RO60: variants seen among roughly 807,000 people sequenced by gnomAD.
RO60 encodes Ro60, Y RNA binding protein.
A neutral mutation model predicts 55.3 loss-of-function variants in RO60; 20 were observed. The ratio of observed to expected loss-of-function variants is 0.36; its 90% CI spans 0.25 to 0.53. The LOEUF (loss-of-function observed/expected upper bound fraction) is 0.53. Among genes scored for constraint, RO60 ranks in the 20% least tolerant of loss-of-function variants. The pLI, the probability that RO60 is intolerant of heterozygous loss-of-function variation, is 0.92. For synonymous variants in RO60, 213 were observed against 213.6 expected (o/e 1.00, Z 0.02); for missense variants, 558 against 646.6 (o/e 0.86, Z 1.49).
chr1:193,059,751 T>A lies in RO60; in HGVS notation c.-47T>A, dbSNP rs769281190. ...GGACTTCTCCTGGCGGCGCTGCGGA[T>A]CCAGGGGGTCGGCTGCCAGGTACAG... On this transcript the variant is annotated 5_prime_UTR_variant, in exon 1 of 9. Transcript: ENST00000400968. The surrounding 1 kb of genome is among the most constrained non-coding windows in gnomAD (Gnocchi z 4.9). 59 of 1,355,582 alleles carry A rather than the reference T, an allele frequency of 4.4e-5. No individual in the cohort carries two copies. The highest frequency in any genetic ancestry group is 2.1e-4 in the Middle Eastern group (1 of 4,776). 84.0% of individuals were successfully genotyped at this position (1,355,582 alleles called of 1,614,324 possible).
intron 2 of RO60, among the ~76,000 whole-genome samples, chr1:193,074,530 G>A (rs1673759564): frequency 6.6e-6 from 1 of 152,190 alleles, no homozygotes; most frequent in Admixed American, 6.5e-5. Context: ...CTGCATAAAT[G>A]TCTTCTTTTG....
At chr1:193,061,983 CAAAAAAAA>C (rs199670965) in intron 1 of RO60, among the ~76,000 whole-genome samples, 1 of 76,244 alleles carries the variant, frequency 1.3e-5, no homozygotes, top group Non-Finnish European at 2.7e-5. Context: ...GAGTCTGTCT[CAAAAAAAA>C]AAAAAAAAGT....
intron 2 of RO60, among the ~76,000 whole-genome samples, chr1:193,071,804 T>C (rs1372018024): frequency 6.8e-6 from 1 of 147,998 alleles, no homozygotes; most frequent in Non-Finnish European, 1.5e-5. Context: ...GTATAGTATG[T>C]AATATATATA....
rs1558245466 is a variant in RO60 at position 193,075,972 on chromosome 1, A to G, written c.733A>G (p.Ile245Val). Reference sequence around the variant, plus strand: ...GCGCACAAGAGATGAGCTAGAAGTCATTCATCTAATAGAAGAACATAGATT... The same window carrying G: ...GCGCACAAGAGATGAGCTAGAAGTCGTTCATCTAATAGAAGAACATAGATT... Reference protein sequence around the residue: ...VKRTRDELEVIHLIEEHRLVR... With the variant: ...VKRTRDELEVVHLIEEHRLVR... The change falls in exon 3 of 9, where the codon ATT becomes GTT. Residue 245 changes from isoleucine to valine, a missense_variant. By Grantham distance (29) the Ile-to-Val change is conservative (BLOSUM62 3). Transcript: ENST00000400968. The G allele has an allele frequency of 6.2e-7, 1 of 1,613,238 alleles. No homozygotes were observed. The highest frequency in any genetic ancestry group is 1.7e-5 in the Admixed American group (1 of 59,938).
intron 1 of RO60, among the ~76,000 whole-genome samples, chr1:193,067,687 A>C (rs1157893685): frequency 6.6e-6 from 1 of 152,168 alleles, no homozygotes; most frequent in African/African-American, 2.4e-5. Context: ...ATAGTGGTGG[A>C]CTGATGAAGA....
At chr1:193,075,000 A>G (rs917199236) in intron 2 of RO60, among the ~76,000 whole-genome samples, 1 of 152,174 alleles carries the variant, frequency 6.6e-6, no homozygotes. Flanking sequence ...ACCTCAGGTG[A>G]TCCACACTCC....
chr1:193,084,145 G>A (rs991302781), intron 8 of RO60, among the ~76,000 whole-genome samples: 5 of 152,132 alleles, frequency 3.3e-5, no homozygotes, highest in East Asian at 1.9e-4. Flanking sequence ...AAGTTCTTAC[G>A]TGGAACATGT....
chr1:193,072,841 A>G (rs1167663357), intron 2 of RO60, among the ~76,000 whole-genome samples: 1 of 152,218 alleles, frequency 6.6e-6, no homozygotes, highest in African/African-American at 2.4e-5. Context: ...AGGAATTAGT[A>G]GATGTTTCCT....
Position 193,087,222 on chromosome 1 carries a change from A to C in RO60, c.*2491A>C, listed in dbSNP as rs1293791421. The C allele has an allele frequency of 6.6e-6, 1 of 152,178 alleles. No individual in the cohort carries two copies. The highest frequency in any genetic ancestry group is 1.5e-5 in the Non-Finnish European group (1 of 68,008). 9.4% of individuals were successfully genotyped at this position (152,178 alleles called of 1,614,324 possible). A position where few individuals can be genotyped will look rare whatever the true frequency, so the allele number is the denominator to read the frequency against. On this transcript the variant is annotated 3_prime_UTR_variant, in exon 9 of 9. Transcript: ENST00000400968. ...CTATATATATCTACATATATAGAGA[A>C]AAAACAAAAACTTTACCTCATTATG...
chr1:193,091,695 G>A (rs765089959), downstream of RO60: 5 of 1,610,526 alleles, frequency 3.1e-6, 1 homozygote, highest in Non-Finnish European at 1.7e-6. Context: ...GACATGGAGT[G>A]CAGGTGGACA....
chr1:193,072,489 TGTA>T (rs1455328011), intron 2 of RO60, among the ~76,000 whole-genome samples: 5 of 152,128 alleles, frequency 3.3e-5, no homozygotes, highest in East Asian at 3.9e-4. Flanking sequence ...TGAATTTTAA[TGTA>T]GTCAAATTTA....
chr1:193,070,075 T>G (rs1673377400), intron 2 of RO60, among the ~76,000 whole-genome samples: 1 of 151,734 alleles, frequency 6.6e-6, no homozygotes, highest in Non-Finnish European at 1.5e-5. Flanking sequence ...CTTAGGTAAC[T>G]GTACACAGCT....
At chr1:193,068,651 A>T (rs1673277342) in intron 1 of RO60, among the ~76,000 whole-genome samples, 1 of 152,166 alleles carries the variant, frequency 6.6e-6, no homozygotes, top group Non-Finnish European at 1.5e-5. Context: ...GAAGGAGCAC[A>T]CTGTATCTCA....
In RO60 at chr1:193,077,254, C is replaced by G. The variant is rs562441374; in HGVS notation, c.1086+204C>G. 2.0e-5 allele frequency among the ~76,000 whole-genome samples: 3 copies of G among 152,184 alleles called. No individual in the cohort carries two copies. The South Asian group carries it at 6.2e-4, about 32-fold the overall frequency. ...ATTTCTCTTTACCTTTGGGTAGCAA[C>G]TAATTATTCTAAGATCATTTTGGTA... On this transcript the variant is annotated intron_variant, in intron 5 of 8. Coordinates refer to ENST00000400968, the MANE Select transcript of RO60 (RefSeq NM_001173524.2).
chr1:193,060,160 A>G (rs1672434098), intron 1 of RO60: 2 of 1,158,638 alleles, frequency 1.7e-6, no homozygotes, highest in Non-Finnish European at 1.1e-6. Context: ...GTTTTGGAAG[A>G]AGGATCTTTG....
chr1:193,078,863 A>G (rs1020259730), intron 5 of RO60, among the ~76,000 whole-genome samples: 3 of 152,174 alleles, frequency 2.0e-5, no homozygotes. Flanking sequence ...TTACAGAGAT[A>G]GAAAAACCCA....
At chr1:193,068,883 A>G (rs1271640859) in intron 1 of RO60, 151 bp from the exon 2 acceptor site, 1 of 540,656 alleles carries the variant, frequency 1.8e-6, no homozygotes. Flanking sequence ...GGACATTTAT[A>G]TTGATTTTGT....
In RO60 at chr1:193,090,603, C is replaced by A. The variant is rs1218874752; in HGVS notation, c.*5872C>A. On this transcript the variant is annotated 3_prime_UTR_variant, in exon 9 of 9. Transcript: ENST00000400968. ...CCAGTGGGGAGTGGGGTATTATAAT[C>A]TAGTTCTAAACTGTCCATTTGCTTT... 6.6e-6 allele frequency: 1 copy of A among 151,840 alleles called. No homozygotes were observed. The highest frequency in any genetic ancestry group is 1.5e-5 in the Non-Finnish European group (1 of 67,952). The allele number at this position is 151,840 out of a possible 1,614,324, so 9.4% of individuals were successfully genotyped here. A position where few individuals can be genotyped will look rare whatever the true frequency, so the allele number is the denominator to read the frequency against.
rs1674726880 is a variant in RO60 at position 193,088,672 on chromosome 1, G to C, written c.*3941G>C. 1 of 152,074 alleles carries C rather than the reference G, an allele frequency of 6.6e-6. No homozygotes were observed. Among genetic ancestry groups the C allele is most frequent in the Non-Finnish European group, 1.5e-5 (1 of 68,018 alleles). The allele number at this position is 152,074 out of a possible 1,614,324, so 9.4% of individuals were successfully genotyped here. A position where few individuals can be genotyped will look rare whatever the true frequency, so the allele number is the denominator to read the frequency against. On this transcript the variant is annotated 3_prime_UTR_variant, in exon 9 of 9. Transcript: ENST00000400968. ...TTCTAGTCTTATATACTGCAGGTTT[G>C]GGGTGATTGTTAAGGCACTATCCCC...
Sources: allele counts gnomAD v4.1 joint callset (sites outside exome capture counted in the v4.1 genomes callset), GRCh38; gene constraint gnomAD v4.1.1; non-coding constraint Gnocchi (gnomAD v3.1); transcripts MANE v1.5; gene names NCBI Gene and HGNC (gene_info 2026-07-23, HGNC 2026-07-21).